Variants in C19orf47 observed in about 807,000 individuals in gnomAD.
C19orf47 encodes chromosome 19 open reading frame 47.
Under a neutral mutation model 32.3 loss-of-function variants are expected in C19orf47, and 18 were observed. The ratio of observed to expected loss-of-function variants is 0.56; its 90% confidence interval spans 0.39 to 0.83. The LOEUF is 0.83. C19orf47 is among the 40% of genes least tolerant of loss of function. The pLI, the probability that C19orf47 is intolerant of heterozygous loss-of-function variation, is 0.00. For synonymous variants in C19orf47, 202 were observed against 211.1 expected, an observed-to-expected ratio of 0.96 and a Z score of 0.37; for missense variants, 484 against 531.6, an observed-to-expected ratio of 0.91 and a Z score of 0.88.
In C19orf47 at chr19:40,321,799, G is replaced by A; in HGVS notation, c.*83C>T. 2.8e-6 allele frequency: 4 copies of A among 1,447,324 alleles called. No individual in the cohort carries two copies. The highest frequency in any genetic ancestry group is 2.9e-5 in the South Asian group (2 of 67,986). 89.7% of individuals were successfully genotyped at this position (1,447,324 alleles called of 1,614,324 possible). On this transcript the variant is annotated 3_prime_UTR_variant, in exon 9 of 9. Transcript: ENST00000683109. The stretch of plus-strand genomic sequence containing the variant: ...AAGCTGTGTCATCCAGGAGCTGGTG[G>A]GAGGCGTGATGAAGCCAGGAGCCTG...
chr19:40,301,379 C>T, the C19orf47 span, among the ~76,000 whole-genome samples: 1 of 149,648 alleles, frequency 6.7e-6, no homozygotes, highest in African/African-American at 2.5e-5. Flanking sequence ...CTCGCTCTGT[C>T]GCCCAGGCTG....
rs1433640286 is a variant in C19orf47 at position 40,348,394 on chromosome 19, C to G, written c.-104G>C. ...CCGGCGGCGCCAACTGTCAGACACTCCTCCCCCGGCCCGGGCTGCCCGCCC... is the reference window on the plus strand; with the variant it reads ...CCGGCGGCGCCAACTGTCAGACACTGCTCCCCCGGCCCGGGCTGCCCGCCC... On this transcript the variant is annotated 5_prime_UTR_variant, in exon 1 of 9. Coordinates refer to ENST00000683109, the MANE Select transcript of C19orf47 (RefSeq NM_001256441.2). The G allele has an allele frequency of 2.0e-6, 3 of 1,471,666 alleles. No homozygotes were observed. Among genetic ancestry groups the G allele is most frequent in the Non-Finnish European group, 2.7e-6 (3 of 1,115,736 alleles). The allele number at this position is 1,471,666 out of a possible 1,614,324, so 91.2% of individuals were successfully genotyped here.
At chr19:40,341,345 C>G (rs1046487282) in intron 2 of C19orf47, among the ~76,000 whole-genome samples, 1 of 151,658 alleles carries the variant, frequency 6.6e-6, no homozygotes, top group South Asian at 2.1e-4. Context: ...AACAAACATA[C>G]ATATATAATA....
At chr19:40,300,303 A>G in the C19orf47 span, among the ~76,000 whole-genome samples, 1 of 151,592 alleles carries the variant, frequency 6.6e-6, no homozygotes, top group African/African-American at 2.4e-5. Context: ...CGTCTCTACT[A>G]AAAATACAAA....
intron 2 of C19orf47, chr19:40,339,046 T>C (rs1435560582): frequency 6.6e-6 from 1 of 152,526 alleles, no homozygotes; most frequent in Non-Finnish European, 1.5e-5. Context: ...ATTGATTAAT[T>C]GACTGATTGA....
chr19:40,341,775 C>G, intron 2 of C19orf47, 64 bp downstream of exon 2: 2 of 1,534,062 alleles, frequency 1.3e-6, no homozygotes, highest in Middle Eastern at 1.7e-4. Context: ...CATCCCCCAC[C>G]AAGGCCATAC....
chr19:40,300,280 C>T, the C19orf47 span, among the ~76,000 whole-genome samples: 7 of 151,802 alleles, frequency 4.6e-5, no homozygotes, highest in Non-Finnish European at 1.0e-4. Context: ...GCCTAGCCAA[C>T]ACAATGAAAC....
chr19:40,293,109 T>C, the C19orf47 span, among the ~76,000 whole-genome samples: 4 of 152,012 alleles, frequency 2.6e-5, no homozygotes, highest in African/African-American at 7.2e-5. Context: ...TTAAATCTCA[T>C]ATTTTGTGGG....
chr19:40,304,387 T>G, the C19orf47 span, among the ~76,000 whole-genome samples: 2 of 152,124 alleles, frequency 1.3e-5, no homozygotes, highest in Non-Finnish European at 2.9e-5. Flanking sequence ...AACTTCAGTG[T>G]CACGAATCCC....
At chr19:40,329,791 T>A (rs7248861) in intron 5 of C19orf47, among the ~76,000 whole-genome samples, 1 of 152,066 alleles carries the variant, frequency 6.6e-6, no homozygotes. Context: ...TCTCTGGCTA[T>A]GCAGAATCTG....
At chr19:40,322,505 G>A in intron 8 of C19orf47, 129 bp from the exon 9 acceptor site, 1 of 1,185,282 alleles carries the variant, frequency 8.4e-7, no homozygotes, top group South Asian at 1.6e-5. Flanking sequence ...TGACACCCCA[G>A]ATAGTGGCGA....
intron 5 of C19orf47, among the ~76,000 whole-genome samples, chr19:40,332,995 C>T (rs1245734793): frequency 3.3e-5 from 5 of 152,130 alleles, no homozygotes; most frequent in African/African-American, 9.7e-5. Context: ...CAGTGGCTCA[C>T]GCCTATAATC....
the C19orf47 span, among the ~76,000 whole-genome samples, chr19:40,294,469 T>C: frequency 6.6e-6 from 1 of 152,166 alleles, no homozygotes; most frequent in Non-Finnish European, 1.5e-5. Context: ...TGTTTTCTGA[T>C]TCCTCCCCTC....
intron 7 of C19orf47, chr19:40,324,598 A>G (rs1176914995): frequency 6.3e-6 from 1 of 158,024 alleles, no homozygotes; most frequent in Admixed American, 6.0e-5. Flanking sequence ...GGCAGGGTGT[A>G]CCTGTAATCC....
Position 40,322,320 on chromosome 19 carries a change from A to G in C19orf47, c.720T>C (p.Ala240=), listed in dbSNP as rs1430661220. The G allele has an allele frequency of 1.9e-6, 3 of 1,605,920 alleles. No homozygotes were observed. The highest frequency in any genetic ancestry group is 1.7e-5 in the Admixed American group (1 of 59,862). The change falls in exon 9 of 9, where the codon GCT becomes GCC. Residue 240 remains alanine, a synonymous_variant. Transcript: ENST00000683109. ...TGCTGCTGTCATTGTCGCTGTCCCAAGCCAGATCCTCGTCCGTTTCTGGGG... is the reference window on the plus strand; with the variant it reads ...TGCTGCTGTCATTGTCGCTGTCCCAGGCCAGATCCTCGTCCGTTTCTGGGG... The part of the protein sequence containing the change: ...GATPETDEDL[A]WDSDNDSSSS...
chr19:40,309,295 G>A, the C19orf47 span, among the ~76,000 whole-genome samples: 3 of 151,104 alleles, frequency 2.0e-5, no homozygotes, highest in Non-Finnish European at 2.9e-5. Context: ...AGGTTCAAGC[G>A]ATTCTCCTGC....
the C19orf47 span, among the ~76,000 whole-genome samples, chr19:40,298,021 C>T: frequency 6.8e-6 from 1 of 147,520 alleles, no homozygotes; most frequent in South Asian, 2.1e-4. Flanking sequence ...GCTTGGGTGA[C>T]AGAGTGACAC....
At chr19:40,336,248 G>T in intron 3 of C19orf47, 24 bp from the exon 4 acceptor site, 1 of 1,613,954 alleles carries the variant, frequency 6.2e-7, no homozygotes, top group Non-Finnish European at 8.5e-7. Flanking sequence ...TCAGTGGTGA[G>T]GCCCCAGGTG....
At chr19:40,293,550 C>T in the C19orf47 span, among the ~76,000 whole-genome samples, 1 of 151,944 alleles carries the variant, frequency 6.6e-6, no homozygotes, top group South Asian at 2.1e-4. Context: ...ACTGCAACCT[C>T]CGCTTCCCGG....
Sources: allele counts gnomAD v4.1 joint callset (sites outside exome capture counted in the v4.1 genomes callset), GRCh38; gene constraint gnomAD v4.1.1; transcripts MANE v1.5; gene names NCBI Gene and HGNC (gene_info 2026-07-23, HGNC 2026-07-21).